The following CD24 variants were observed in gnomAD, a reference collection of about 807,000 sequenced individuals.
CD24 encodes CD24 molecule.
A neutral mutation model predicts 3.6 loss-of-function variants in CD24; 2 were observed. The observed-to-expected ratio is 0.56, with a 90% confidence interval of 0.23 to 1.77. The LOEUF (loss-of-function observed/expected upper bound fraction) is 1.77, where lower values mean the gene tolerates loss of function less well. Among genes scored for constraint, CD24 ranks in the 40% most tolerant of loss-of-function variants. The pLI is 0.18. For missense variants in CD24, 62 were observed against 93.6 expected (o/e 0.66, Z 1.39); for synonymous variants, 33 against 44.9 (o/e 0.74, Z 1.06).
chr6:106,974,104 G>C (rs1209719156), intron 1 of CD24: 4 of 395,854 alleles, frequency 1.0e-5, no homozygotes, highest in Non-Finnish European at 1.8e-5. Flanking sequence ...ATGGGCGTGA[G>C]CCGCCCTCCC....
At chr6:106,972,595 C>T (rs1388767644) in intron 1 of CD24, among the ~76,000 whole-genome samples, 1 of 152,176 alleles carries the variant, frequency 6.6e-6, no homozygotes, top group African/African-American at 2.4e-5. Flanking sequence ...TGGCCAAGAA[C>T]CAAGGTTCTC....
Position 106,974,677 on chromosome 6 carries a change from C to T in CD24, c.-31G>A. 1.3e-6 allele frequency: 2 copies of T among 1,490,252 alleles called. No homozygotes were observed. Among genetic ancestry groups the T allele is most frequent in the Non-Finnish European group, 1.8e-6 (2 of 1,124,694 alleles). 92.3% of individuals were successfully genotyped at this position (1,490,252 alleles called of 1,614,324 possible). Reference sequence around the variant, plus strand: ...CTCCGTCGGTGCGCGGCGCGTCTAGCAGGATGCTGGGTGCTTGGAGAACCG... The same window carrying T: ...CTCCGTCGGTGCGCGGCGCGTCTAGTAGGATGCTGGGTGCTTGGAGAACCG... On this transcript the variant is annotated 5_prime_UTR_variant, in exon 1 of 2. Coordinates refer to ENST00000606017, the MANE Select transcript of CD24 (RefSeq NM_001359084.1).
upstream of CD24, chr6:106,974,837 C>G (rs1174256992): frequency 6.5e-5 from 24 of 368,966 alleles, 2 homozygotes; most frequent in East Asian, 3.2e-4. Flanking sequence ...CCCGCCGCCT[C>G]CCCGCCTTCC....
chr6:106,972,682 G>A (rs1773003213), intron 1 of CD24, among the ~76,000 whole-genome samples: 1 of 152,112 alleles, frequency 6.6e-6, no homozygotes, highest in African/African-American at 2.4e-5. Flanking sequence ...AGTAGGGCAC[G>A]TGATAATCTC....
upstream of CD24, chr6:106,975,651 C>G (rs1035610527): frequency 1.3e-5 from 2 of 152,252 alleles, no homozygotes; most frequent in African/African-American, 2.4e-5. Flanking sequence ...CCCCCGCGCT[C>G]CTGCCTGCGG....
chr6:106,973,978 C>A, intron 1 of CD24: 1 of 398,242 alleles, frequency 2.5e-6, no homozygotes, highest in Non-Finnish European at 4.4e-6. Context: ...TCGCAGAGAG[C>A]GCAGCGTCAG....
At chr6:106,974,934 G>C (rs1773071531), upstream of CD24, among the ~76,000 whole-genome samples, 1 of 148,130 alleles carries the variant, frequency 6.8e-6, no homozygotes, top group Non-Finnish European at 1.5e-5. Flanking sequence ...AGCCCCCCGG[G>C]CGGGCGCCGC....
chr6:106,974,468 T>C (rs1773054388), intron 1 of CD24, 110 bp downstream of exon 1: 1 of 607,106 alleles, frequency 1.6e-6, no homozygotes, highest in Non-Finnish European at 2.7e-6. Context: ...TCCCGGTCCC[T>C]GTCCGTGGCC....
chr6:106,974,489 G>T, intron 1 of CD24, 89 bp downstream of exon 1: 1 of 729,550 alleles, frequency 1.4e-6, no homozygotes, highest in Non-Finnish European at 2.1e-6. Flanking sequence ...CGAGGCAGGA[G>T]CGCAGGACGG....
chr6:106,973,434 C>T (rs1422180665), intron 1 of CD24: 22 of 385,106 alleles, frequency 5.7e-5, no homozygotes, highest in Non-Finnish European at 9.2e-5. Context: ...GGGAGCGCAG[C>T]GGACTGGGAG....
At chr6:106,974,828 C>CCGCCGCCT (rs1319350803), upstream of CD24, 1 of 437,536 alleles carries the variant, frequency 2.3e-6, no homozygotes, top group Non-Finnish European at 3.8e-6. Flanking sequence ...CCGCCGCCGC[C>CCGCCGCCT]CGCCGCCTCC....
upstream of CD24, among the ~76,000 whole-genome samples, chr6:106,976,219 T>G (rs1773106460): frequency 6.6e-6 from 1 of 152,244 alleles, no homozygotes; most frequent in African/African-American, 2.4e-5. Context: ...GGTTCAATTT[T>G]TAATTGCAAG....
At chr6:106,974,395 G>T (rs1773052646) in intron 1 of CD24, among the ~76,000 whole-genome samples, 183 bp downstream of exon 1, 1 of 152,176 alleles carries the variant, frequency 6.6e-6, no homozygotes, top group Admixed American at 6.5e-5. Flanking sequence ...GGGGCAGCAC[G>T]CAAGGGAATG....
chr6:106,970,300 T>C lies in CD24; in HGVS notation c.*1361A>G, dbSNP rs1357153938. 3.3e-5 allele frequency: 5 copies of C among 152,622 alleles called. No individual in the cohort carries two copies. Among genetic ancestry groups the C allele is most frequent in the African/African-American group, 7.2e-5 (3 of 41,446 alleles). 9.5% of individuals were successfully genotyped at this position (152,622 alleles called of 1,614,324 possible). A position where few individuals can be genotyped will look rare whatever the true frequency, so the allele number is the denominator to read the frequency against. ...TTCTAAATGTGGCTATTCTGATCCA[T>C]AGTTGTTTTTTAAAGAAAAAAAATG... On this transcript the variant is annotated 3_prime_UTR_variant, in exon 2 of 2. Coordinates refer to ENST00000606017, the MANE Select transcript of CD24 (RefSeq NM_001359084.1).
intron 1 of CD24, chr6:106,974,133 C>G (rs1433486733): frequency 5.1e-6 from 2 of 392,498 alleles, no homozygotes; most frequent in Non-Finnish European, 9.0e-6. Context: ...ACCGTCGCCT[C>G]TCTTTGTGTA....
chr6:106,974,916 G>A (rs1773070364), upstream of CD24, among the ~76,000 whole-genome samples: 1 of 146,974 alleles, frequency 6.8e-6, no homozygotes, highest in Non-Finnish European at 1.5e-5. Flanking sequence ...CGGCCCTCGC[G>A]GGCCGGGAGC....
upstream of CD24, among the ~76,000 whole-genome samples, chr6:106,976,111 G>A (rs1773105025): frequency 6.6e-6 from 1 of 152,158 alleles, no homozygotes; most frequent in Non-Finnish European, 1.5e-5. Flanking sequence ...TAGCCCAAGT[G>A]TTTTTCAGTC....
upstream of CD24, chr6:106,974,741 C>G: frequency 1.5e-6 from 2 of 1,293,696 alleles, no homozygotes; most frequent in Non-Finnish European, 2.1e-6. Flanking sequence ...GGGAGCGCGG[C>G]GAGCCGGCGA....
At chr6:106,973,120 G>T (rs1387238350) in intron 1 of CD24, among the ~76,000 whole-genome samples, 1 of 152,066 alleles carries the variant, frequency 6.6e-6, no homozygotes, top group Non-Finnish European at 1.5e-5. Context: ...TTGGGATCCC[G>T]CAAAGTAACC....
Sources: allele counts gnomAD v4.1 joint callset (sites outside exome capture counted in the v4.1 genomes callset), GRCh38; gene constraint gnomAD v4.1.1; transcripts MANE v1.5; gene names NCBI Gene and HGNC (gene_info 2026-07-23, HGNC 2026-07-21).